The following DLC1 variants were observed in gnomAD, a reference collection of about 807,000 sequenced individuals.
The protein encoded by DLC1 is DLC1 Rho GTPase activating protein.
A neutral mutation model predicts 140.3 loss-of-function variants in DLC1; 54 were observed. The ratio of observed to expected loss-of-function variants is 0.38; its 90% confidence interval spans 0.31 to 0.48. The LOEUF is 0.48. Among genes scored for constraint, DLC1 ranks in the 20% least tolerant of loss-of-function variants. DLC1 has a pLI of 0.96. For synonymous variants in DLC1, 986 were observed against 728.1 expected (o/e 1.35, Z -5.70); for missense variants, 2,536 against 1,907.0 (o/e 1.33, Z -6.14).
chr8:13,213,674 C>G (rs1056493578), intron 5 of DLC1, among the ~76,000 whole-genome samples: 2 of 152,146 alleles, frequency 1.3e-5, no homozygotes, highest in Non-Finnish European at 2.9e-5. Context: ...TTTTATGTAT[C>G]TTAGCCATGT....
intron 3 of DLC1, among the ~76,000 whole-genome samples, chr8:13,398,226 A>C (rs1207705850): frequency 2.6e-5 from 4 of 152,162 alleles, no homozygotes; most frequent in African/African-American, 9.7e-5. Context: ...TGGCTTATAA[A>C]GGAAGGGATG....
At chr8:13,474,677 C>T (rs898725153) in intron 2 of DLC1, among the ~76,000 whole-genome samples, 4 of 152,232 alleles carry the variant, frequency 2.6e-5, no homozygotes, top group South Asian at 2.1e-4. Flanking sequence ...GAACACACCT[C>T]TTGCACCAGC....
At chr8:13,214,906 T>C (rs1828124677) in intron 5 of DLC1, 1 of 655,800 alleles carries the variant, frequency 1.5e-6, no homozygotes, top group African/African-American at 1.8e-5. Flanking sequence ...TGACTGGGAA[T>C]AAGATATTGT....
At chr8:13,255,397 G>T (rs995677958) in intron 5 of DLC1, among the ~76,000 whole-genome samples, 1 of 152,048 alleles carries the variant, frequency 6.6e-6, no homozygotes, top group Non-Finnish European at 1.5e-5. Context: ...CTATATAAAA[G>T]GAACTCCATA....
chr8:13,135,456 C>T (rs959861538), intron 5 of DLC1, among the ~76,000 whole-genome samples: 1 of 152,134 alleles, frequency 6.6e-6, no homozygotes. Context: ...GCTGGGATAA[C>T]AGGCGTGAGC....
At chr8:13,410,523 A>G (rs1198986655) in intron 2 of DLC1, among the ~76,000 whole-genome samples, 3 of 152,124 alleles carry the variant, frequency 2.0e-5, no homozygotes, top group African/African-American at 7.2e-5. Context: ...AAAACGCAAG[A>G]CCACTCTTGT....
chr8:13,492,318 T>C (rs552472899), intron 2 of DLC1, among the ~76,000 whole-genome samples: 1 of 152,230 alleles, frequency 6.6e-6, no homozygotes, highest in East Asian at 1.9e-4. Flanking sequence ...GTTCCCTGTC[T>C]CTTTGCTAAA....
intron 4 of DLC1, among the ~76,000 whole-genome samples, chr8:13,311,886 C>T (rs1238927833): frequency 6.6e-6 from 1 of 152,088 alleles, no homozygotes; most frequent in Non-Finnish European, 1.5e-5. Flanking sequence ...AAAACACTGA[C>T]ATTTAATGTA....
intron 1 of DLC1, among the ~76,000 whole-genome samples, chr8:13,560,642 G>A (rs1400375218): frequency 1.3e-5 from 2 of 152,138 alleles, no homozygotes; most frequent in African/African-American, 4.8e-5. Flanking sequence ...CCATTCTTAA[G>A]TTGAAGTCCT....
At chr8:13,531,448 T>A (rs1169496342) in intron 1 of DLC1, among the ~76,000 whole-genome samples, 2 of 152,052 alleles carry the variant, frequency 1.3e-5, no homozygotes, top group African/African-American at 4.8e-5. Context: ...TAGCTGAGCA[T>A]GGTGATGGGG....
intron 5 of DLC1, among the ~76,000 whole-genome samples, chr8:13,171,993 T>G (rs1470383361): frequency 2.0e-5 from 3 of 151,826 alleles, no homozygotes; most frequent in African/African-American, 7.3e-5. Context: ...GCACCAAGAC[T>G]AAGAAGATCA....
chr8:13,177,784 C>A (rs558356164), intron 5 of DLC1, among the ~76,000 whole-genome samples: 3 of 152,134 alleles, frequency 2.0e-5, no homozygotes, highest in Non-Finnish European at 4.4e-5. Context: ...AAAACCAGTG[C>A]TACACCTGGA....
chr8:13,346,596 C>T (rs1003747896), intron 4 of DLC1, among the ~76,000 whole-genome samples: 33 of 152,192 alleles, frequency 2.2e-4, no homozygotes, highest in African/African-American at 6.5e-4. Context: ...GCAGGTGCCA[C>T]AAGAACTTGA....
intron 5 of DLC1, among the ~76,000 whole-genome samples, chr8:13,170,995 C>CA (rs1825437816): frequency 6.6e-6 from 1 of 152,156 alleles, no homozygotes; most frequent in African/African-American, 2.4e-5. Flanking sequence ...GATTTAAGAA[C>CA]TATAACTCAT....
chr8:13,424,575 A>G (rs1304555386), intron 2 of DLC1, among the ~76,000 whole-genome samples: 1 of 151,028 alleles, frequency 6.6e-6, no homozygotes, highest in Non-Finnish European at 1.5e-5. Context: ...AAAATTTGTA[A>G]TTTTTTTTTC....
chr8:13,584,085 G>T (rs961945488), intron 1 of DLC1: 2 of 152,730 alleles, frequency 1.3e-5, no homozygotes, highest in African/African-American at 4.8e-5. Context: ...ATAAGCAGGT[G>T]TCTTGCTTCA....
At chr8:13,300,954 C>T (rs2117502327) in intron 5 of DLC1, among the ~76,000 whole-genome samples, 1 of 152,248 alleles carries the variant, frequency 6.6e-6, no homozygotes, top group South Asian at 2.1e-4. Flanking sequence ...TGCATGGAAG[C>T]AGTGGCCAGA....
intron 5 of DLC1, among the ~76,000 whole-genome samples, chr8:13,186,256 T>C (rs1174773538): frequency 6.6e-6 from 1 of 152,212 alleles, no homozygotes; most frequent in East Asian, 1.9e-4. Context: ...CCAATTTGGT[T>C]CCATTCTGCC....
At chr8:13,181,884 T>C (rs1052789437) in intron 5 of DLC1, among the ~76,000 whole-genome samples, 1 of 152,234 alleles carries the variant, frequency 6.6e-6, no homozygotes, top group African/African-American at 2.4e-5. Context: ...ATGGTAATTC[T>C]AGTTCTAGAT....
Sources: allele counts gnomAD v4.1 joint callset (sites outside exome capture counted in the v4.1 genomes callset), GRCh38; gene constraint gnomAD v4.1.1; transcripts MANE v1.5; gene names NCBI Gene and HGNC (gene_info 2026-07-23, HGNC 2026-07-21).